The following PC variants were observed in gnomAD, a reference collection of about 807,000 sequenced individuals.
PC encodes the protein pyruvate carboxylase.
In PC, 46 loss-of-function variants were observed where a neutral mutation model predicts 107.8. The observed-to-expected ratio is 0.43, with a 90% CI of 0.34 to 0.55. The LOEUF is 0.55. Ranked by LOEUF, PC falls within the 20% of genes least tolerant of loss-of-function variation. PC has a pLI of 0.04. For synonymous variants in PC, 662 were observed against 684.7 expected (o/e 0.97, Z 0.52); for missense variants, 1,241 against 1,643.1 (o/e 0.76, Z 4.23).
chr11:66,871,252 C>T lies in PC; in HGVS notation c.488-55G>A, dbSNP rs1305138889. ...TGTAACAGGCGGGAATCCCTGCCAC[C>T]CCTCCCTGCTGGACCCTCTCCAGGA... On this transcript the variant is annotated intron_variant, in intron 6 of 22. Transcript: ENST00000393960. This position sits in a 1 kb window ranked among gnomAD's most constrained non-coding sequence, Gnocchi z 7.4. 1 of 1,613,594 alleles carries T rather than the reference C, an allele frequency of 6.2e-7. No homozygotes were observed. The highest frequency in any genetic ancestry group is 1.1e-5 in the South Asian group (1 of 91,070).
intron 3 of PC, among the ~76,000 whole-genome samples, chr11:66,884,071 C>T (rs1047975436): frequency 6.6e-6 from 1 of 151,988 alleles, no homozygotes; most frequent in African/African-American, 2.4e-5. Context: ...ATGCAGAAAC[C>T]CCATCTCTAC....
At chr11:66,893,043 G>A (rs1192746020) in intron 3 of PC, among the ~76,000 whole-genome samples, 2 of 152,276 alleles carry the variant, frequency 1.3e-5, no homozygotes, top group South Asian at 2.1e-4. Flanking sequence ...TACTTGGCAA[G>A]CATGATTCAA....
In PC at chr11:66,899,813, TA is replaced by T. The variant is rs1422426959; in HGVS notation, c.1-27655del. 3.9e-5 allele frequency among the ~76,000 whole-genome samples: 6 copies of T among 152,370 alleles called. No individual in the cohort carries two copies. In the East Asian group the frequency reaches 1.2e-3, roughly 29 times the overall value. On this transcript the variant is annotated intron_variant, in intron 3 of 22. Transcript: ENST00000393960. ...ATTGCTTGTGCTTTGGCGTCGTATC[TA>T]AAAAATCATTGCCTAACCTAAGGTC...
chr11:66,912,172 C>T (rs915433275), intron 3 of PC, among the ~76,000 whole-genome samples: 1 of 152,228 alleles, frequency 6.6e-6, no homozygotes, highest in Non-Finnish European at 1.5e-5. Context: ...TGGGAATACT[C>T]GCCACACTGA....
intron 3 of PC, among the ~76,000 whole-genome samples, chr11:66,873,496 T>TTA (rs1202650143): frequency 6.8e-5 from 1 of 14,702 alleles, no homozygotes; most frequent in Admixed American, 1.7e-3. Flanking sequence ...ATTATATATA[T>TTA]TATATAATAT....
chr11:66,849,445 G>T, intron 21 of PC, 75 bp from the exon 22 acceptor site: 1 of 1,606,860 alleles, frequency 6.2e-7, no homozygotes. Context: ...GCCATAGGAA[G>T]TCCCCACACT....
chr11:66,849,429 G>A, intron 21 of PC, 59 bp from the exon 22 acceptor site: 1 of 1,608,758 alleles, frequency 6.2e-7, no homozygotes, highest in Admixed American at 1.7e-5. Flanking sequence ...CAGTCCCCCG[G>A]CCCTGGCCAT....
In PC at chr11:66,872,018, G is replaced by A; in HGVS notation, c.136+6C>T. ...GGCTCCTCTCACCGGCCCCACTGGT[G>A]CTCACCTCTGTTGGCCACCATGACT... On this transcript the variant is annotated splice_donor_region_variant and intron_variant, in intron 4 of 22. Transcript: ENST00000393960. 1 of 1,558,640 alleles carries A rather than the reference G, an allele frequency of 6.4e-7. No homozygotes were observed.
intron 12 of PC, among the ~76,000 whole-genome samples, chr11:66,854,957 C>T (rs971860750): frequency 3.9e-5 from 6 of 152,202 alleles, no homozygotes; most frequent in Admixed American, 6.5e-5. Context: ...GAGCCCCGAG[C>T]GCGCAGAGTG....
chr11:66,914,286 C>T (rs1460464018), intron 3 of PC, among the ~76,000 whole-genome samples: 2 of 152,012 alleles, frequency 1.3e-5, no homozygotes, highest in Non-Finnish European at 1.5e-5. Context: ...CCGAGGTGGG[C>T]GGATCACCTG....
At chr11:66,851,432 G>A in intron 16 of PC, 152 bp from the exon 17 acceptor site, 2 of 1,175,968 alleles carry the variant, frequency 1.7e-6, no homozygotes, top group Non-Finnish European at 2.4e-6. Flanking sequence ...GGCGGGGGGT[G>A]GCCACACAAG....
chr11:66,905,506 T>C (rs931346349), intron 3 of PC, among the ~76,000 whole-genome samples: 6 of 152,336 alleles, frequency 3.9e-5, no homozygotes, highest in Middle Eastern at 3.4e-3. Context: ...TGAGACTCTG[T>C]AAAATAAGAA....
chr11:66,854,148 T>G (rs1199042703), intron 12 of PC, among the ~76,000 whole-genome samples: 1 of 152,244 alleles, frequency 6.6e-6, no homozygotes, highest in East Asian at 1.9e-4. Context: ...GCCAGAGGAT[T>G]CGACCACGGC....
intron 3 of PC, among the ~76,000 whole-genome samples, chr11:66,894,647 G>T (rs916891979): frequency 1.3e-5 from 2 of 152,190 alleles, no homozygotes; most frequent in Non-Finnish European, 2.9e-5. Flanking sequence ...AAAGGCCAGG[G>T]AACTGCAGCT....
intron 10 of PC, among the ~76,000 whole-genome samples, 173 bp downstream of exon 10, chr11:66,868,673 G>A (rs1028259715): frequency 1.3e-5 from 2 of 152,208 alleles, no homozygotes; most frequent in African/African-American, 4.8e-5. Context: ...TAATAACCAC[G>A]TAATGCTTTT....
intron 3 of PC, among the ~76,000 whole-genome samples, chr11:66,927,984 C>T (rs1948759415): frequency 6.6e-6 from 1 of 152,156 alleles, no homozygotes; most frequent in African/African-American, 2.4e-5. Flanking sequence ...TAACACTATA[C>T]ATCTGCTTGT....
chr11:66,852,612 T>G lies in PC; in HGVS notation c.1652A>C (p.Glu551Ala), dbSNP rs759282718. The G allele has an allele frequency of 3.1e-6, 5 of 1,613,820 alleles. No individual in the cohort carries two copies. The highest frequency in any genetic ancestry group is 1.3e-5 in the African/African-American group (1 of 74,940). Reference protein sequence around the residue: ...FRDILLREGPEGFARAVRNHP... With the variant: ...FRDILLREGPAGFARAVRNHP... ...GTTCCGCACAGCTCGAGCAAAGCCCTCAGGCCCCTCTCGCAGCAGGATGTC... is the reference window on the plus strand; with the variant it reads ...GTTCCGCACAGCTCGAGCAAAGCCCGCAGGCCCCTCTCGCAGCAGGATGTC... Residue 551 changes from glutamate to alanine, a missense_variant, in exon 15 of 23, where the codon GAG becomes GCG. Around this residue, in one of 2 missense-constraint regions of PC, gnomAD observed 1,143 missense variants for 1,551.9 expected, o/e 0.74. Transcript: ENST00000393960. This position sits in a 1 kb window ranked among gnomAD's most constrained non-coding sequence, Gnocchi z 4.7.
At chr11:66,949,935 G>A (rs1307357824) in intron 3 of PC, among the ~76,000 whole-genome samples, 2 of 152,052 alleles carry the variant, frequency 1.3e-5, no homozygotes, top group African/African-American at 2.4e-5. Flanking sequence ...GACATGCCAC[G>A]CACCAGTCAC....
intron 12 of PC, chr11:66,860,251 CGG>C: frequency 6.5e-7 from 1 of 1,536,614 alleles, no homozygotes; most frequent in Non-Finnish European, 8.7e-7. Flanking sequence ...GCAGAGGGCC[CGG>C]GGCCGCCGCC....
Sources: gnomAD v4.1 joint callset for allele counts (sites outside exome capture counted in the v4.1 genomes callset) on GRCh38, gnomAD v4.1.1 for gene constraint, gnomAD v4.1.1 regional missense constraint, Gnocchi (gnomAD v3.1) non-coding constraint, MANE v1.5 for transcripts, NCBI Gene and HGNC (gene_info 2026-07-23, HGNC 2026-07-21) for gene names.